The following CTNNA3 variants were observed in gnomAD, a reference collection of about 807,000 sequenced individuals.
CTNNA3 encodes catenin alpha-3.
In CTNNA3, 76 loss-of-function variants were observed where a neutral mutation model predicts 95.7. The ratio of observed to expected loss-of-function variants is 0.79; its 90% confidence interval spans 0.66 to 0.96. CTNNA3 has a LOEUF of 0.96. CTNNA3 is among the 40% of genes least tolerant of loss of function. The pLI is 0.00. For missense variants in CTNNA3, 1,191 were observed against 1,089.8 expected, an observed-to-expected ratio of 1.09 and a Z score of -1.31; for synonymous variants, 431 against 374.4, an observed-to-expected ratio of 1.15 and a Z score of -1.74.
At position 66,279,074 on chromosome 10, in the gene CTNNA3, C is replaced by T. The variant is rs146892379; in HGVS notation, c.1884+1396G>A. 1.5e-3 allele frequency among the ~76,000 whole-genome samples: 224 copies of T among 152,156 alleles called. 1 individual carries two copies. Among genetic ancestry groups the T allele is most frequent in the Middle Eastern group, 6.8e-3 (2 of 294 alleles). ...TCTCTTTGATATGGTAATTGGTTTG[C>T]TTTCAGGTTTTCCCAAGCCTCAGTG... On this transcript the variant is annotated intron_variant, in intron 13 of 17. Coordinates refer to ENST00000433211, the MANE Select transcript of CTNNA3 (RefSeq NM_013266.4).
chr10:66,542,505 A>G (rs1326845008), intron 10 of CTNNA3, among the ~76,000 whole-genome samples: 1 of 152,102 alleles, frequency 6.6e-6, no homozygotes, highest in East Asian at 1.9e-4. Flanking sequence ...TCCAACAATG[A>G]TAGACTGGAT....
Position 67,279,658 on chromosome 10 carries a change from A to G in CTNNA3, c.580-59788T>C, listed in dbSNP as rs143244076. 1.7e-3 allele frequency among the ~76,000 whole-genome samples: 257 copies of G among 148,158 alleles called. 15 individuals are homozygous for G. The highest frequency in any genetic ancestry group is 5.9e-3 in the African/African-American group (236 of 39,746). Reference sequence around the variant, plus strand: ...TTTATCTGTAGCTATCTGCTTAGGAACAAAAGGAAAGGCGGCTGACTCAGC... The same window carrying G: ...TTTATCTGTAGCTATCTGCTTAGGAGCAAAAGGAAAGGCGGCTGACTCAGC... On this transcript the variant is annotated intron_variant, in intron 5 of 17. Transcript: ENST00000433211.
intron 9 of CTNNA3, among the ~76,000 whole-genome samples, chr10:66,702,767 A>T (rs936396442): frequency 8.0e-6 from 1 of 125,408 alleles, no homozygotes; most frequent in African/African-American, 3.6e-5. Context: ...AGTAGTAGCC[A>T]TCGTCGTCGT....
intron 9 of CTNNA3, among the ~76,000 whole-genome samples, chr10:66,647,657 C>A (rs1302015336): frequency 6.7e-6 from 1 of 150,370 alleles, no homozygotes; most frequent in African/African-American, 2.4e-5. Context: ...ACTACAGGCA[C>A]CTGCCACCAC....
intron 17 of CTNNA3, among the ~76,000 whole-genome samples, chr10:65,938,239 C>T (rs150571410): frequency 1.6e-4 from 25 of 152,264 alleles, no homozygotes; most frequent in African/African-American, 5.8e-4. Context: ...AATCTTAATG[C>T]TTTGTTTCAC....
rs138768551 is a variant in CTNNA3 at position 66,292,292 on chromosome 10, C to T, written c.1733-11671G>A. On this transcript the variant is annotated intron_variant, in intron 12 of 17. Coordinates refer to ENST00000433211, the MANE Select transcript of CTNNA3 (RefSeq NM_013266.4). ...ACATAGTAGATGCTCAGTAATTATG[C>T]ACTGAGTGAATATGCCTACCTAGCA... Among the ~76,000 whole-genome samples, 8 of 152,208 alleles carry T rather than the reference C, an allele frequency of 5.3e-5. No homozygotes were observed. The East Asian group carries it at 1.2e-3, about 22-fold the overall frequency.
chr10:66,236,512 C>T lies in CTNNA3; in HGVS notation c.1884+43958G>A, dbSNP rs147410184. ...TTCTTCTTTTTAGAGGGAATGTCAC[C>T]TGTCAGTTTTTATAAAATATATTGC... On this transcript the variant is annotated intron_variant, in intron 13 of 17. Transcript: ENST00000433211. Among the ~76,000 whole-genome samples the T allele has an allele frequency of 5.1e-3, 774 of 152,166 alleles. 4 individuals are homozygous for T. Among genetic ancestry groups the T allele is most frequent in the African/African-American group, 0.017 (726 of 41,544 alleles).
intron 9 of CTNNA3, among the ~76,000 whole-genome samples, chr10:66,682,338 G>T (rs1457988578): frequency 6.6e-6 from 1 of 151,778 alleles, no homozygotes; most frequent in Non-Finnish European, 1.5e-5. Context: ...ACAATAATAA[G>T]AATTAAAGGT....
At chr10:66,622,038 T>G (rs1844769286) in intron 9 of CTNNA3, among the ~76,000 whole-genome samples, 2 of 152,286 alleles carry the variant, frequency 1.3e-5, no homozygotes, top group African/African-American at 2.4e-5. Context: ...ATACAGTCTC[T>G]TGGTATCAAC....
At chr10:66,091,016 C>A (rs918703065) in intron 14 of CTNNA3, among the ~76,000 whole-genome samples, 3 of 151,878 alleles carry the variant, frequency 2.0e-5, no homozygotes, top group African/African-American at 7.2e-5. Flanking sequence ...TTTTCTGCTA[C>A]CTTACCTATT....
chr10:66,094,566 T>G (rs149570500), intron 14 of CTNNA3, among the ~76,000 whole-genome samples: 273 of 152,204 alleles, frequency 1.8e-3, no homozygotes, highest in African/African-American at 6.3e-3. Flanking sequence ...GGCATGAATG[T>G]TCCCCTCCGC....
At chr10:66,443,543 G>A (rs188732701) in intron 11 of CTNNA3, among the ~76,000 whole-genome samples, 5 of 152,078 alleles carry the variant, frequency 3.3e-5, no homozygotes, top group South Asian at 2.1e-4. Flanking sequence ...CAGCCACCAC[G>A]GCTGACACCC....
intron 9 of CTNNA3, among the ~76,000 whole-genome samples, chr10:66,702,952 T>C (rs188449073): frequency 6.6e-6 from 1 of 152,256 alleles, no homozygotes; most frequent in Non-Finnish European, 1.5e-5. Flanking sequence ...ACAATCAACT[T>C]GATTCAAAAC....
intron 7 of CTNNA3, among the ~76,000 whole-genome samples, chr10:66,790,594 G>A (rs947427090): frequency 6.6e-6 from 1 of 152,050 alleles, no homozygotes. Flanking sequence ...AATGTGCCAA[G>A]GCCTGGACTA....
intron 17 of CTNNA3, among the ~76,000 whole-genome samples, chr10:65,954,761 C>A (rs1038244631): frequency 6.6e-5 from 10 of 152,152 alleles, no homozygotes; most frequent in Non-Finnish European, 1.5e-4. Context: ...TGTTTTGGTA[C>A]CAGTACCATG....
intron 9 of CTNNA3, among the ~76,000 whole-genome samples, chr10:66,659,576 T>C (rs1288641701): frequency 6.6e-6 from 1 of 152,154 alleles, no homozygotes; most frequent in East Asian, 1.9e-4. Context: ...CAAATATTCA[T>C]ATGTTTAAAT....
intron 7 of CTNNA3, among the ~76,000 whole-genome samples, chr10:67,156,358 T>C (rs1008295418): frequency 1.3e-5 from 2 of 152,128 alleles, no homozygotes; most frequent in African/African-American, 4.8e-5. Flanking sequence ...TTCTACTTAT[T>C]TGAGATGCAA....
intron 7 of CTNNA3, among the ~76,000 whole-genome samples, chr10:67,082,844 G>T (rs763562852): frequency 2.0e-5 from 3 of 152,114 alleles, no homozygotes; most frequent in Non-Finnish European, 4.4e-5. Context: ...GGGTAGTCTG[G>T]GGGATGGACC....
chr10:66,969,453 G>C (rs1474344229), intron 7 of CTNNA3, among the ~76,000 whole-genome samples: 1 of 152,078 alleles, frequency 6.6e-6, no homozygotes, highest in Non-Finnish European at 1.5e-5. Context: ...AAAAGTTGGG[G>C]AGAAAATTTT....
Sources: gnomAD v4.1 joint callset for allele counts (sites outside exome capture counted in the v4.1 genomes callset) on GRCh38, gnomAD v4.1.1 for gene constraint, MANE v1.5 for transcripts, NCBI Gene and HGNC (gene_info 2026-07-23, HGNC 2026-07-21) for gene names.